The following EPHB1 variants were observed in gnomAD, a reference collection of about 807,000 sequenced individuals.
EPHB1 encodes the protein ephrin type-B receptor 1.
EPHB1 carries 30 observed loss-of-function variants against 94.4 expected under a neutral mutation model. The observed-to-expected ratio is 0.32, with a 90% confidence interval of 0.24 to 0.43. The LOEUF (loss-of-function observed/expected upper bound fraction) is 0.43, where lower values mean the gene tolerates loss of function less well. EPHB1 is among the 20% of genes least tolerant of loss of function. The pLI is 1.00. For synonymous variants in EPHB1, 522 were observed against 489.1 expected (o/e 1.07, Z -0.89); for missense variants, 1,055 against 1,308.3 (o/e 0.81, Z 2.99).
chr3:134,806,288 G>T (rs1040419765), intron 1 of EPHB1, among the ~76,000 whole-genome samples: 3 of 152,164 alleles, frequency 2.0e-5, no homozygotes, highest in Non-Finnish European at 4.4e-5. Flanking sequence ...TTTCCACCTA[G>T]CTCTCTCTGT....
intron 1 of EPHB1, among the ~76,000 whole-genome samples, chr3:134,909,877 C>T (rs981117496): frequency 3.9e-5 from 6 of 152,116 alleles, no homozygotes; most frequent in Non-Finnish European, 8.8e-5. Context: ...GTTAGGAGAC[C>T]AGGATCAGCA....
Position 134,979,862 on chromosome 3 carries a change from A to G in EPHB1, c.805+27810A>G, listed in dbSNP as rs140565855. On this transcript the variant is annotated intron_variant, in intron 3 of 15. Coordinates refer to ENST00000398015, the MANE Select transcript of EPHB1 (RefSeq NM_004441.5). ...CAACCCAAGACCATCTAGTCAGTAT[A>G]TGGTTGTAGGTGGTATTTGTGTCTA... Among the ~76,000 whole-genome samples the G allele has an allele frequency of 5.2e-3, 788 of 152,240 alleles. 5 individuals carry two copies. The highest frequency in any genetic ancestry group is 0.018 in the African/African-American group (748 of 41,544).
chr3:135,178,380 C>CGGG (rs368241932), intron 9 of EPHB1, among the ~76,000 whole-genome samples: 2,363 of 148,972 alleles, frequency 0.016, 25 homozygotes, highest in Middle Eastern at 0.036. Context: ...CGCTTGAACC[C>CGGG]AGGAGGTGAA....
intron 3 of EPHB1, among the ~76,000 whole-genome samples, chr3:134,989,474 C>G (rs1033601669): frequency 2.0e-5 from 3 of 147,848 alleles, no homozygotes; most frequent in Admixed American, 6.8e-5. Flanking sequence ...TCAATACACA[C>G]GCCTGCACAC....
intron 12 of EPHB1, among the ~76,000 whole-genome samples, chr3:135,228,283 T>C (rs1331410865): frequency 1.3e-5 from 2 of 152,214 alleles, no homozygotes; most frequent in African/African-American, 4.8e-5. Context: ...TTCCTCATTT[T>C]GAGTTTGTCT....
chr3:135,197,312 A>G (rs958385146), intron 11 of EPHB1, among the ~76,000 whole-genome samples: 2 of 152,114 alleles, frequency 1.3e-5, no homozygotes, highest in Non-Finnish European at 2.9e-5. Context: ...AAACGGGGAC[A>G]TTTCTCATCA....
chr3:134,813,983 C>T (rs917315582), intron 1 of EPHB1, among the ~76,000 whole-genome samples: 3 of 152,202 alleles, frequency 2.0e-5, no homozygotes, highest in Non-Finnish European at 4.4e-5. Flanking sequence ...GGCACCCCCA[C>T]TGTCTGAGAC....
intron 4 of EPHB1, among the ~76,000 whole-genome samples, chr3:135,131,282 A>G (rs1343152170): frequency 6.6e-6 from 1 of 152,212 alleles, no homozygotes; most frequent in African/African-American, 2.4e-5. Flanking sequence ...ACCCGATTTA[A>G]TATTTGCTTT....
At chr3:134,959,945 T>G (rs1933439274) in intron 3 of EPHB1, among the ~76,000 whole-genome samples, 2 of 147,200 alleles carry the variant, frequency 1.4e-5, no homozygotes, top group Admixed American at 1.4e-4. Context: ...TCCTGCAGAA[T>G]TTGAGCACAA....
chr3:135,092,964 C>G (rs1000309857), intron 3 of EPHB1, among the ~76,000 whole-genome samples: 12 of 152,154 alleles, frequency 7.9e-5, no homozygotes, highest in Admixed American at 5.9e-4. Context: ...CCCCATTTAG[C>G]TGCTTGCTGC....
chr3:134,921,555 C>T (rs931023807), intron 1 of EPHB1, among the ~76,000 whole-genome samples: 1 of 152,190 alleles, frequency 6.6e-6, no homozygotes, highest in African/African-American at 2.4e-5. Context: ...AATTTATATG[C>T]ATTGTTGTAT....
rs553337138 is a variant in EPHB1, at chr3:135,254,825, G to A, written c.2847-4187G>A. On this transcript the variant is annotated intron_variant, in intron 15 of 15. Coordinates refer to ENST00000398015, the MANE Select transcript of EPHB1 (RefSeq NM_004441.5). ...CCTCCTTGTACCTCTGATAGAATTC[G>A]GCTGTGAATCCATCTGGTCCTGGAC... Among the ~76,000 whole-genome samples, 16 of 152,140 alleles carry A rather than the reference G, an allele frequency of 1.1e-4. No homozygotes were observed. The South Asian group carries it at 1.5e-3, about 14-fold the overall frequency.
chr3:134,839,790 A>G (rs2036742770), intron 1 of EPHB1, among the ~76,000 whole-genome samples: 1 of 152,156 alleles, frequency 6.6e-6, no homozygotes, highest in Non-Finnish European at 1.5e-5. Context: ...AGATGATGGT[A>G]CCTTTTTGGG....
At chr3:135,250,794 C>T (rs751377873) in intron 15 of EPHB1, among the ~76,000 whole-genome samples, 34 of 152,102 alleles carry the variant, frequency 2.2e-4, no homozygotes, top group Non-Finnish European at 4.3e-4. Flanking sequence ...GATCTGGCAG[C>T]CTGTAGTACA....
rs547211348 is a variant in EPHB1 at position 135,003,903 on chromosome 3, T to G, written c.805+51851T>G. ...ATACAGCACACTGATGGGTCTTGAC[T>G]CTTTATCCAATTTGCCAGTCTGTGT... On this transcript the variant is annotated intron_variant, in intron 3 of 15. Coordinates refer to ENST00000398015, the MANE Select transcript of EPHB1 (RefSeq NM_004441.5). Among the ~76,000 whole-genome samples the G allele has an allele frequency of 7.0e-3, 1,065 of 152,198 alleles. 22 individuals carry two copies. Among genetic ancestry groups the G allele is most frequent in the African/African-American group, 0.024 (990 of 41,412 alleles).
intron 3 of EPHB1, among the ~76,000 whole-genome samples, chr3:134,992,261 G>T (rs1426032168): frequency 4.6e-5 from 7 of 152,150 alleles, no homozygotes; most frequent in Non-Finnish European, 1.5e-5. Flanking sequence ...TCTTGGAGAA[G>T]ATGACGGCCT....
intron 2 of EPHB1, among the ~76,000 whole-genome samples, chr3:134,938,432 G>T (rs368399745): frequency 6.6e-6 from 1 of 152,232 alleles, no homozygotes; most frequent in African/African-American, 2.4e-5. Flanking sequence ...TTGCCCTCTA[G>T]TAGTGTGGCT....
intron 6 of EPHB1, among the ~76,000 whole-genome samples, chr3:135,155,851 A>G (rs1559854608): frequency 6.6e-6 from 1 of 150,958 alleles, no homozygotes; most frequent in Non-Finnish European, 1.5e-5. Flanking sequence ...GAGCTATAGC[A>G]GGTTGAGGAG....
intron 3 of EPHB1, among the ~76,000 whole-genome samples, chr3:135,083,683 T>C (rs936340187): frequency 4.6e-5 from 7 of 152,150 alleles, no homozygotes; most frequent in African/African-American, 1.7e-4. Flanking sequence ...GAGAAGGTGG[T>C]GATACTCCCA....
Sources: allele counts gnomAD v4.1 joint callset (sites outside exome capture counted in the v4.1 genomes callset), GRCh38; gene constraint gnomAD v4.1.1; transcripts MANE v1.5; gene names NCBI Gene and HGNC (gene_info 2026-07-23, HGNC 2026-07-21).